Variants in GC observed in about 807,000 individuals in gnomAD.
GC encodes GC vitamin D binding protein, also known as vitamin D-binding protein.
In GC, 43 loss-of-function variants were observed where a neutral mutation model predicts 56.7. That is an observed-to-expected ratio of 0.76 (90% confidence interval 0.59 to 0.98). GC has a LOEUF of 0.98. Among genes scored for constraint, GC ranks in the 50% least tolerant of loss-of-function variants. The probability of loss-of-function intolerance (pLI) is 0.00; values close to 1 mark genes in which losing one functional copy is unlikely to be tolerated. For missense variants in GC, 529 were observed against 545.9 expected, an observed-to-expected ratio of 0.97 and a Z score of 0.31; for synonymous variants, 216 against 202.7, an observed-to-expected ratio of 1.07 and a Z score of -0.56.
chr4:71,800,255 C>T (rs1475192315), intron 1 of GC, among the ~76,000 whole-genome samples: 7 of 152,070 alleles, frequency 4.6e-5, no homozygotes, highest in African/African-American at 9.7e-5. Flanking sequence ...TGGCAGGCCC[C>T]GGTGTGTGTT....
chr4:71,775,323 C>T (rs1387148991), intron 1 of GC, among the ~76,000 whole-genome samples: 1 of 151,904 alleles, frequency 6.6e-6, no homozygotes, highest in Non-Finnish European at 1.5e-5. Flanking sequence ...ATAAAAGTCA[C>T]TTCATTAAGC....
chr4:71,774,934 G>T (rs548417877), intron 1 of GC, among the ~76,000 whole-genome samples: 1 of 151,416 alleles, frequency 6.6e-6, no homozygotes, highest in Non-Finnish European at 1.5e-5. Context: ...TTATGGTATC[G>T]AAAGATTCAT....
intron 8 of GC, among the ~76,000 whole-genome samples, chr4:71,756,272 C>T (rs1741766095): frequency 6.6e-6 from 1 of 152,168 alleles, no homozygotes. Flanking sequence ...ATATATTTTA[C>T]ATGTGTTCAG....
chr4:71,749,480 G>C (rs1183674739), intron 11 of GC, among the ~76,000 whole-genome samples: 1 of 152,142 alleles, frequency 6.6e-6, no homozygotes, highest in African/African-American at 2.4e-5. Context: ...TTTCAAAAGT[G>C]ATATTTCTTA....
upstream of GC, among the ~76,000 whole-genome samples, chr4:71,804,990 G>C (rs551257644): frequency 6.6e-6 from 1 of 152,200 alleles, no homozygotes; most frequent in East Asian, 1.9e-4. Flanking sequence ...CTTCTGAGTC[G>C]AGTGGGGCCA....
At chr4:71,773,842 A>C (rs1742417102) in intron 1 of GC, among the ~76,000 whole-genome samples, 1 of 151,952 alleles carries the variant, frequency 6.6e-6, no homozygotes, top group East Asian at 1.9e-4. Context: ...TTTCTTTGGC[A>C]TTTTTATTTC....
At chr4:71,751,632 T>C (rs1741559006) in intron 11 of GC, among the ~76,000 whole-genome samples, 1 of 150,970 alleles carries the variant, frequency 6.6e-6, no homozygotes. Flanking sequence ...CTGTTAACAA[T>C]ATTGGACCTG....
rs202086517 is a variant in GC at position 71,763,401 on chromosome 4, T to C, written c.701+7A>G. On this transcript the variant is annotated splice_region_variant and intron_variant, in intron 6 of 12. Transcript: ENST00000273951. ...ATCTAAATATGACAATAGCACTTAATCTTTACCTGAGCCTTGATTTCTTCT... is the reference window on the plus strand; with the variant it reads ...ATCTAAATATGACAATAGCACTTAACCTTTACCTGAGCCTTGATTTCTTCT... 487 of 1,486,050 alleles carry C rather than the reference T, an allele frequency of 3.3e-4. 2 individuals carry two copies. In the Middle Eastern group the frequency reaches 6.0e-3, roughly 18 times the overall value. 92.1% of individuals were successfully genotyped at this position (1,486,050 alleles called of 1,614,324 possible).
intron 1 of GC, among the ~76,000 whole-genome samples, chr4:71,798,433 A>G (rs1018583217): frequency 1.1e-4 from 17 of 152,192 alleles, no homozygotes; most frequent in African/African-American, 4.1e-4. Flanking sequence ...TTAAAGATAT[A>G]TTACAAAGAT....
chr4:71,748,459 C>CT (rs1741447168), intron 11 of GC, among the ~76,000 whole-genome samples: 1 of 152,004 alleles, frequency 6.6e-6, no homozygotes, highest in Non-Finnish European at 1.5e-5. Context: ...ATTACAATGA[C>CT]TTTTGGAATA....
intron 1 of GC, among the ~76,000 whole-genome samples, chr4:71,776,385 G>A (rs949892966): frequency 2.6e-5 from 4 of 151,836 alleles, no homozygotes; most frequent in African/African-American, 9.7e-5. Context: ...AGAACATTAT[G>A]TTAAGTAAAA....
At chr4:71,761,091 G>A (rs962099784) in intron 6 of GC, among the ~76,000 whole-genome samples, 4 of 152,180 alleles carry the variant, frequency 2.6e-5, no homozygotes, top group African/African-American at 4.8e-5. Context: ...CTCAGAAGAA[G>A]ACAGGAAAAT....
intron 10 of GC, among the ~76,000 whole-genome samples, chr4:71,753,969 G>A (rs1270570774): frequency 6.7e-6 from 1 of 149,774 alleles, no homozygotes; most frequent in Non-Finnish European, 1.5e-5. Flanking sequence ...TTTTATGGCT[G>A]TTTTAATTGG....
intron 6 of GC, among the ~76,000 whole-genome samples, chr4:71,759,958 A>C (rs1741910178): frequency 1.3e-5 from 2 of 152,276 alleles, no homozygotes; most frequent in South Asian, 4.1e-4. Flanking sequence ...TCTCTACGTA[A>C]AAGGAAAACT....
chr4:71,792,896 A>G (rs533027674), intron 1 of GC, among the ~76,000 whole-genome samples: 45 of 152,304 alleles, frequency 3.0e-4, no homozygotes, highest in African/African-American at 1.1e-3. Context: ...CAGTTTTCCC[A>G]GCACCATTTA....
At chr4:71,753,667 C>A (rs1296081688) in intron 10 of GC, among the ~76,000 whole-genome samples, 1 of 151,926 alleles carries the variant, frequency 6.6e-6, no homozygotes, top group Non-Finnish European at 1.5e-5. Flanking sequence ...CTTTTTCCTT[C>A]TCTTAATTGA....
chr4:71,797,370 G>T (rs1021411554), intron 1 of GC, among the ~76,000 whole-genome samples: 24 of 152,210 alleles, frequency 1.6e-4, no homozygotes, highest in African/African-American at 5.1e-4. Context: ...CAGACACTTT[G>T]TTTACCTACT....
chr4:71,797,346 G>A (rs549655435), intron 1 of GC, among the ~76,000 whole-genome samples: 1 of 152,380 alleles, frequency 6.6e-6, no homozygotes, highest in South Asian at 2.1e-4. Context: ...GCTCTGCCCA[G>A]TTTAATGGCT....
intron 5 of GC, 89 bp from the exon 6 acceptor site, chr4:71,763,591 A>AT: frequency 2.5e-6 from 2 of 809,744 alleles, no homozygotes; most frequent in African/African-American, 1.7e-5. Context: ...TAATTTCATG[A>AT]TTTTTTAATG....
Sources: gnomAD v4.1 joint callset for allele counts (sites outside exome capture counted in the v4.1 genomes callset) on GRCh38, gnomAD v4.1.1 for gene constraint, MANE v1.5 for transcripts, NCBI Gene and HGNC (gene_info 2026-07-23, HGNC 2026-07-21) for gene names.